Variants in DOK7 observed in about 807,000 individuals in gnomAD.
DOK7 encodes protein Dok-7.
A neutral mutation model predicts 30.7 loss-of-function variants in DOK7; 32 were observed. The observed-to-expected ratio is 1.04, with a 90% CI of 0.79 to 1.40. The LOEUF (loss-of-function observed/expected upper bound fraction) is 1.40. Ranked by LOEUF, DOK7 falls within the 40% of genes most tolerant of loss-of-function variation. DOK7 has a pLI of 0.00. For synonymous variants in DOK7, 447 were observed against 324.1 expected (o/e 1.38, Z -4.07); for missense variants, 1,007 against 699.2 (o/e 1.44, Z -4.97).
chr4:3,489,784 C>A lies in DOK7; in HGVS notation c.760C>A (p.Pro254Thr). Residue 254 changes from proline (P) to threonine (T), a missense_variant, in exon 6 of 7, where the codon CCG (proline) becomes ACG (threonine). Physicochemically the swap from Pro to Thr is conservative, Grantham distance 38 (BLOSUM62 -1). Transcript: ENST00000340083. The part of the protein sequence containing the change: ...RLSLLSHAGR[P>T]GSGGDDRSLS... ...GAGCCTCCTCTCACATGCGGGCAGG[C>A]CGGGCAGTGGAGGTAGGGCCGGGGG... is the stretch of plus-strand genomic sequence containing the variant. The A allele has an allele frequency of 6.4e-7, 1 of 1,574,036 alleles. No individual in the cohort carries two copies. Among genetic ancestry groups the A allele is most frequent in the East Asian group, 2.3e-5 (1 of 42,790 alleles).
At chr4:3,498,163 T>G (rs1729016512), downstream of DOK7, among the ~76,000 whole-genome samples, 1 of 152,116 alleles carries the variant, frequency 6.6e-6, no homozygotes, top group African/African-American at 2.4e-5. Context: ...GGCCAGCCGA[T>G]TCCCGGTTGC....
Position 3,493,046 on chromosome 4 carries a change from T to G in DOK7, c.1060T>G (p.Ser354Ala). Residue 354 changes from serine to alanine, a missense_variant, in exon 7 of 7, where the codon TCC becomes GCC. Coordinates refer to ENST00000340083, the MANE Select transcript of DOK7 (RefSeq NM_173660.5). ...CTCCTCTTACTCCAGCAGCCTCTCG[T>G]CCTACGCGGGCAGCAGCCTGGACGT... Reference protein sequence around the residue: ...SHSSYSSSLSSYAGSSLDVWR... With the variant: ...SHSSYSSSLSAYAGSSLDVWR... 6.4e-7 allele frequency: 1 copy of G among 1,573,686 alleles called. No individual in the cohort carries two copies. The highest frequency in any genetic ancestry group is 8.6e-7 in the Non-Finnish European group (1 of 1,164,590).
rs148594066 is a variant in DOK7 at position 3,467,864 on chromosome 4, C to T, written c.100+4313C>T. On this transcript the variant is annotated intron_variant, in intron 2 of 6. Coordinates refer to ENST00000340083, the MANE Select transcript of DOK7 (RefSeq NM_173660.5). Reference sequence around the variant, plus strand: ...ACCATGTCCTGCTGCATAGGTGGCGCTTTCTCTGTCCTTATATGGTGTAGG... The same window carrying T: ...ACCATGTCCTGCTGCATAGGTGGCGTTTTCTCTGTCCTTATATGGTGTAGG... Among the ~76,000 whole-genome samples, 61 of 152,296 alleles carry T rather than the reference C, an allele frequency of 4.0e-4. 1 individual carries two copies. Among genetic ancestry groups the T allele is most frequent in the African/African-American group, 1.4e-3 (57 of 41,560 alleles).
At chr4:3,492,526 T>C (rs1384007196) in intron 6 of DOK7, among the ~76,000 whole-genome samples, 1 of 151,298 alleles carries the variant, frequency 6.6e-6, no homozygotes, top group Non-Finnish European at 1.5e-5. Context: ...GCGCAGGCCG[T>C]AGGAGAACAG....
chr4:3,488,859 G>A (rs1294666134), intron 5 of DOK7, among the ~76,000 whole-genome samples: 1 of 151,818 alleles, frequency 6.6e-6, no homozygotes, highest in Non-Finnish European at 1.5e-5. Flanking sequence ...GGAAGGGGCA[G>A]GGTCTTGAGC....
rs979502228 is a variant in DOK7, at chr4:3,464,629, C to T, written c.100+1078C>T. Among the ~76,000 whole-genome samples, 7 of 152,056 alleles carry T rather than the reference C, an allele frequency of 4.6e-5. No homozygotes were observed. The East Asian group carries it at 7.7e-4, about 17-fold the overall frequency. On this transcript the variant is annotated intron_variant, in intron 2 of 6. Coordinates refer to ENST00000340083, the MANE Select transcript of DOK7 (RefSeq NM_173660.5). ...TAGTCAGCTGTGGCTGGGTCGGGGC[C>T]GTGGTGGGGCAGGTGATGCTTGGTG...
intron 4 of DOK7, among the ~76,000 whole-genome samples, chr4:3,483,045 G>C (rs1374964236): frequency 1.3e-5 from 2 of 150,774 alleles, no homozygotes; most frequent in Non-Finnish European, 3.0e-5. Context: ...AAGGTCTGGG[G>C]TGTTCTAGGT....
At position 3,493,814 on chromosome 4, in the gene DOK7, CGTGCCTTGCACTGGG is replaced by C; in HGVS notation, c.*319_*333del. 1.4e-5 allele frequency: 18 copies of C among 1,270,058 alleles called. No individual in the cohort carries two copies. Among genetic ancestry groups the C allele is most frequent in the Non-Finnish European group, 1.8e-5 (18 of 1,006,888 alleles). 78.7% of individuals were successfully genotyped at this position (1,270,058 alleles called of 1,614,324 possible). ...GGTGAGTGCTGCACCTCTGTTGGCT[CGTGCCTTGCACTGGG>C]GTGCCAAGGGCTGGAGGCCCTGCCG... is the stretch of plus-strand genomic sequence containing the variant. On this transcript the variant is annotated 3_prime_UTR_variant, in exon 7 of 7. Transcript: ENST00000340083.
chr4:3,474,325 T>G (rs757116884), intron 3 of DOK7, among the ~76,000 whole-genome samples: 2 of 152,224 alleles, frequency 1.3e-5, no homozygotes, highest in Admixed American at 6.5e-5. Context: ...AGTTGAGTCC[T>G]GGTCCTACCC....
chr4:3,501,240 G>A (rs753626249), exon 8 of DOK7: 119 of 183,742 alleles, frequency 6.5e-4, no homozygotes, highest in Non-Finnish European at 1.2e-3. Flanking sequence ...CTGGCAAAAT[G>A]CTCATCCCTT....
intron 2 of DOK7, among the ~76,000 whole-genome samples, chr4:3,471,673 C>T (rs1401999597): frequency 3.9e-5 from 6 of 152,366 alleles, no homozygotes; most frequent in Admixed American, 1.3e-4. Context: ...ATTGCTGTTA[C>T]GGCGAATTCC....
At chr4:3,479,888 T>G (rs956244978) in intron 4 of DOK7, among the ~76,000 whole-genome samples, 1 of 152,188 alleles carries the variant, frequency 6.6e-6, no homozygotes, top group Admixed American at 6.5e-5. Context: ...TAGTGTGGAC[T>G]CCTGGAGCTT....
chr4:3,500,287 CAG>C lies in DOK7; in HGVS notation c.1150_1151del (p.Arg384AlafsTer151). 1 of 1,535,964 alleles carries C rather than the reference CAG, an allele frequency of 6.5e-7. No homozygotes were observed. Among genetic ancestry groups the C allele is most frequent in the Non-Finnish European group, 8.7e-7 (1 of 1,146,800 alleles). ...CCCGTGGCTGTGGACAGCCCAGGAC[CAG>C]AGAGGCCGCGCGGCGAGTCGCCCAC... On this transcript the variant is annotated frameshift_variant, in exon 7 of 8. Transcript: ENST00000643608. LOFTEE classifies it high-confidence loss of function.
chr4:3,497,324 G>A (rs971577096), downstream of DOK7, among the ~76,000 whole-genome samples: 3 of 152,106 alleles, frequency 2.0e-5, no homozygotes, highest in Non-Finnish European at 4.4e-5. Flanking sequence ...GGGGGCCTGT[G>A]GAGGCTGGGC....
At chr4:3,463,698 G>A (rs1382972770) in intron 2 of DOK7, 147 bp downstream of exon 2, 2 of 1,074,886 alleles carry the variant, frequency 1.9e-6, no homozygotes, top group Non-Finnish European at 2.7e-6. Flanking sequence ...CGGACCCCCC[G>A]GCGCCCCTGG....
intron 3 of DOK7, among the ~76,000 whole-genome samples, 177 bp from the exon 4 acceptor site, chr4:3,476,163 CCT>C (rs1338462342): frequency 8.4e-6 from 1 of 118,810 alleles, no homozygotes; most frequent in African/African-American, 3.0e-5. Flanking sequence ...ACCGTGATGC[CCT>C]CTCGCCCCGC....
At chr4:3,489,624 C>T (rs1577171732) in intron 5 of DOK7, 53 bp from the exon 6 acceptor site, 31 of 1,554,348 alleles carry the variant, frequency 2.0e-5, no homozygotes, top group East Asian at 7.3e-5. Context: ...TGCCTGCGGG[C>T]GAGGGTGGGC....
At position 3,485,545 on chromosome 4, in the gene DOK7, G is replaced by C. The variant is rs118203994; in HGVS notation, c.539G>C (p.Gly180Ala). 3.1e-6 allele frequency: 5 copies of C among 1,602,228 alleles called. No homozygotes were observed. The East Asian group carries it at 1.1e-4, about 36-fold the overall frequency. Residue 180 changes from glycine to alanine, a missense_variant, in exon 5 of 7, where the codon GGC becomes GCC. Gly to Ala is a moderately conservative substitution (Grantham distance 60). Coordinates refer to ENST00000340083, the MANE Select transcript of DOK7 (RefSeq NM_173660.5). ...CTCTGTCCTTCCTCTGCAGGGGCTG[G>C]CGTCTTCTTCCTGTCCTCGGCCGAG... is the stretch of plus-strand genomic sequence containing the variant. ...EGGTRCGYWA[G>A]VFFLSSAEGE...
intron 4 of DOK7, chr4:3,485,331 C>T (rs1013656952): frequency 2.4e-5 from 15 of 614,870 alleles, no homozygotes; most frequent in Non-Finnish European, 3.3e-5. Context: ...GACCCAGCTT[C>T]ACAGAGCCAG....
Sources: allele counts gnomAD v4.1 joint callset (sites outside exome capture counted in the v4.1 genomes callset), GRCh38; gene constraint gnomAD v4.1.1; transcripts MANE v1.5; gene names NCBI Gene and HGNC (gene_info 2026-07-23, HGNC 2026-07-21).